NNT: variants seen among roughly 807,000 people sequenced by gnomAD.
The protein encoded by NNT is NAD(P) transhydrogenase, mitochondrial.
Under a neutral mutation model 104.8 loss-of-function variants are expected in NNT, and 50 were observed. The ratio of observed to expected loss-of-function variants is 0.48; its 90% CI spans 0.38 to 0.60. The LOEUF (loss-of-function observed/expected upper bound fraction) is 0.60. Among genes scored for constraint, NNT ranks in the 20% least tolerant of loss-of-function variants. The pLI is 0.00. For missense variants in NNT, 1,131 were observed against 1,330.7 expected (o/e 0.85, Z 2.33); for synonymous variants, 461 against 490.4 (o/e 0.94, Z 0.79).
intron 19 of NNT, among the ~76,000 whole-genome samples, chr5:43,691,088 T>A (rs1256612112): frequency 4.6e-5 from 7 of 151,548 alleles, no homozygotes; most frequent in African/African-American, 1.5e-4. Flanking sequence ...TGTGTGTGTG[T>A]GTGTGTGTGT....
Position 43,605,522 on chromosome 5 carries a change from C to CAAAA in NNT, c.-54+2254_-54+2257dup, listed in dbSNP as rs70997416. Among the ~76,000 whole-genome samples the CAAAA allele has an allele frequency of 3.7e-3, 139 of 37,730 alleles. 9 individuals are homozygous for CAAAA. The highest frequency in any genetic ancestry group is 0.012 in the African/African-American group (126 of 10,110). The allele number at this position is 37,730 out of a possible 152,430, so 24.8% of individuals were successfully genotyped here. A position where few individuals can be genotyped will look rare whatever the true frequency, so the allele number is the denominator to read the frequency against. ...TGGGCGACAGAGCGAGACTCCGTCT[C>CAAAA]AAAAAAAAAAAAAAAAAAAAAAAAA... On this transcript the variant is annotated intron_variant, in intron 1 of 21. Transcript: ENST00000344920.
intron 2 of NNT, among the ~76,000 whole-genome samples, chr5:43,610,771 C>T (rs1182160912): frequency 6.6e-6 from 1 of 152,140 alleles, no homozygotes; most frequent in East Asian, 1.9e-4. Context: ...CCAGATTATC[C>T]TGGTGATAAA....
At chr5:43,656,564 G>A in intron 15 of NNT, 89 bp from the exon 16 acceptor site, 1 of 1,220,288 alleles carries the variant, frequency 8.2e-7, no homozygotes, top group Non-Finnish European at 1.1e-6. Flanking sequence ...TCCTTGGTTA[G>A]AGATGACTGT....
Position 43,700,209 on chromosome 5 carries a change from A to T in NNT, c.2967A>T (p.Glu989Asp). ...GTGTGCCATATGACATTGTGTTGGAAATGGATGAGATCAACCATGATTTTC... is the reference window on the plus strand; with the variant it reads ...GTGTGCCATATGACATTGTGTTGGATATGGATGAGATCAACCATGATTTTC... Reference protein sequence around the residue: ...EAGVPYDIVLEMDEINHDFPD... With the variant: ...EAGVPYDIVLDMDEINHDFPD... Residue 989 changes from glutamate to aspartate, a missense_variant, in exon 20 of 22, where the codon GAA becomes GAT. Glu to Asp is a conservative substitution (Grantham distance 45, BLOSUM62 2). Transcript: ENST00000344920. 6.2e-7 allele frequency: 1 copy of T among 1,613,308 alleles called. No individual in the cohort carries two copies. Among genetic ancestry groups the T allele is most frequent in the African/African-American group, 1.3e-5 (1 of 74,982 alleles).
At chr5:43,612,408 A>C (rs780922360) in intron 2 of NNT, among the ~76,000 whole-genome samples, 1 of 152,162 alleles carries the variant, frequency 6.6e-6, no homozygotes, top group Non-Finnish European at 1.5e-5. Context: ...AAGATACAAC[A>C]CTTAGAAATT....
intron 10 of NNT, chr5:43,648,176 T>G: frequency 9.2e-7 from 1 of 1,088,940 alleles, no homozygotes; most frequent in Non-Finnish European, 1.1e-6. Flanking sequence ...GGATACATGA[T>G]ATGTGGGTAG....
intron 17 of NNT, chr5:43,666,871 G>C: frequency 6.6e-7 from 1 of 1,517,394 alleles, no homozygotes; most frequent in South Asian, 1.1e-5. Flanking sequence ...CTTGGCCTTT[G>C]GCCAGCACAG....
chr5:43,662,887 C>A, intron 17 of NNT, among the ~76,000 whole-genome samples: 1 of 144,842 alleles, frequency 6.9e-6, no homozygotes, highest in Non-Finnish European at 1.5e-5. Context: ...GAGTGAGACC[C>A]TGTCTCAAAA....
At chr5:43,616,377 G>T (rs749967208) in intron 4 of NNT, among the ~76,000 whole-genome samples, 6 of 152,194 alleles carry the variant, frequency 3.9e-5, no homozygotes, top group Non-Finnish European at 8.8e-5. Context: ...GTGTGTACAT[G>T]TATATGTAAG....
intron 7 of NNT, among the ~76,000 whole-genome samples, chr5:43,642,913 TC>T (rs914447240): frequency 1.6e-4 from 25 of 152,212 alleles, no homozygotes; most frequent in African/African-American, 6.0e-4. Context: ...TGCTCTGCTT[TC>T]TTTTTATAAA....
At chr5:43,704,147 T>G (rs1203432310) in intron 21 of NNT, 108 bp from the exon 22 acceptor site, 1 of 844,102 alleles carries the variant, frequency 1.2e-6, no homozygotes, top group Non-Finnish European at 1.8e-6. Context: ...AAAGAATTAG[T>G]AGTGGTACAT....
Position 43,649,266 on chromosome 5 carries a change from G to C in NNT, c.1564G>C (p.Ala522Pro), listed in dbSNP as rs1739623484. The change falls in exon 11 of 22, where the codon GCT (alanine) becomes CCT (proline). Residue 522 changes from alanine to proline, a missense_variant. Coordinates refer to ENST00000344920, the MANE Select transcript of NNT (RefSeq NM_182977.3). ...TCATACCGTCTGGGGAGTGACCCCT[G>C]CTCTCCACTCACCACTGATGTCTGT... ...GYHTVWGVTPALHSPLMSVTN... is the reference protein window; with the variant it reads ...GYHTVWGVTPPLHSPLMSVTN... 1 of 1,614,166 alleles carries C rather than the reference G, an allele frequency of 6.2e-7. No homozygotes were observed.
chr5:43,627,790 AGGTCTC>A (rs1750446926), intron 6 of NNT, among the ~76,000 whole-genome samples: 1 of 152,172 alleles, frequency 6.6e-6, no homozygotes. Context: ...TTTGTGGGAA[AGGTCTC>A]TAGTAAGAAC....
chr5:43,663,902 A>G (rs558692176), intron 17 of NNT, among the ~76,000 whole-genome samples: 2 of 152,310 alleles, frequency 1.3e-5, no homozygotes, highest in African/African-American at 4.8e-5. Context: ...TTGTTAACTT[A>G]TTTCATGTTT....
chr5:43,672,557 C>G (rs1741170560), intron 17 of NNT, among the ~76,000 whole-genome samples: 1 of 152,214 alleles, frequency 6.6e-6, no homozygotes, highest in Non-Finnish European at 1.5e-5. Flanking sequence ...CCACTCCAGA[C>G]CGTGTTTGCC....
At chr5:43,634,580 C>T (rs540342221) in intron 7 of NNT, among the ~76,000 whole-genome samples, 1 of 152,076 alleles carries the variant, frequency 6.6e-6, no homozygotes, top group African/African-American at 2.4e-5. Flanking sequence ...AATTCCTTCC[C>T]TTCAATGTAT....
chr5:43,660,280 C>T (rs1740286670), intron 17 of NNT, among the ~76,000 whole-genome samples: 1 of 152,034 alleles, frequency 6.6e-6, no homozygotes, highest in African/African-American at 2.4e-5. Flanking sequence ...AGAGTTTCTA[C>T]CTTAGAAGTT....
chr5:43,701,146 G>A (rs1048899335), intron 20 of NNT, among the ~76,000 whole-genome samples: 1 of 152,002 alleles, frequency 6.6e-6, no homozygotes, highest in Non-Finnish European at 1.5e-5. Context: ...TACATGTGCG[G>A]TTTGTTACCT....
intron 14 of NNT, chr5:43,653,524 G>T (rs1453248782): frequency 1.2e-5 from 2 of 163,250 alleles, no homozygotes; most frequent in South Asian, 2.1e-4. Context: ...GCTAACTTTT[G>T]TTCTGCTGGG....
Sources: gnomAD v4.1 joint callset for allele counts (sites outside exome capture counted in the v4.1 genomes callset) on GRCh38, gnomAD v4.1.1 for gene constraint, MANE v1.5 for transcripts, NCBI Gene and HGNC (gene_info 2026-07-23, HGNC 2026-07-21) for gene names.